MAMDC2: variants seen among roughly 807,000 people sequenced by gnomAD.
The protein encoded by MAMDC2 is MAM domain-containing protein 2.
A neutral mutation model predicts 89.8 loss-of-function variants in MAMDC2; 57 were observed. The ratio of observed to expected loss-of-function variants is 0.63; its 90% CI spans 0.51 to 0.79. The LOEUF (loss-of-function observed/expected upper bound fraction) is 0.79, where lower values mean the gene tolerates loss of function less well. Ranked by LOEUF, MAMDC2 falls within the 30% of genes least tolerant of loss-of-function variation. The pLI is 0.00. For synonymous variants in MAMDC2, 313 were observed against 293.4 expected, an observed-to-expected ratio of 1.07 and a Z score of -0.68; for missense variants, 800 against 820.6, an observed-to-expected ratio of 0.97 and a Z score of 0.31.
At chr9:70,044,483 G>C (rs1826688953) in intron 1 of MAMDC2, 101 bp from the exon 2 acceptor site, 5 of 1,001,034 alleles carry the variant, frequency 5.0e-6, no homozygotes, top group Non-Finnish European at 7.5e-6. Context: ...CCTCCCGCTC[G>C]TCTTTCCCCC....
Position 70,044,125 on chromosome 9 carries a change from T to A in MAMDC2, c.-73T>A. On this transcript the variant is annotated 5_prime_UTR_variant, in exon 1 of 14. Transcript: ENST00000377182. ...GCGCCCCCGCCTCCCACGATCCCTT[T>A]CACTAGGAGCAGCCAGTCCCAGCGG... The A allele has an allele frequency of 3.8e-6, 6 of 1,582,142 alleles. No homozygotes were observed. In the South Asian group the frequency reaches 6.6e-5, roughly 18 times the overall value.
chr9:70,177,203 C>G lies in MAMDC2; in HGVS notation c.1651+6572C>G, dbSNP rs115273918. Among the ~76,000 whole-genome samples the G allele has an allele frequency of 5.7e-3, 863 of 152,244 alleles. 10 individuals carry two copies. Among genetic ancestry groups the G allele is most frequent in the African/African-American group, 0.02 (834 of 41,552 alleles). On this transcript the variant is annotated intron_variant, in intron 11 of 13. Transcript: ENST00000377182. ...TGCCATATCTAAACTGTCAGCATCACTACTCTTGCACTTTGGGGCCATAAT... is the reference window on the plus strand; with the variant it reads ...TGCCATATCTAAACTGTCAGCATCAGTACTCTTGCACTTTGGGGCCATAAT...
chr9:70,221,408 G>GAGAGAGAGAGAGAGAGA (rs2033563067), intron 12 of MAMDC2, among the ~76,000 whole-genome samples: 2 of 110,890 alleles, frequency 1.8e-5, no homozygotes, highest in Non-Finnish European at 3.8e-5. Context: ...GAGAGAGAGA[G>GAGAGAGAGAGAGAGAGA]TAACATCAGA....
In MAMDC2 at chr9:70,080,236, C is replaced by A. The variant is rs75029173; in HGVS notation, c.149-27975C>A. Among the ~76,000 whole-genome samples, 654 of 152,316 alleles carry A rather than the reference C, an allele frequency of 4.3e-3. 37 individuals carry two copies. The East Asian group carries it at 0.11, about 25-fold the overall frequency. On this transcript the variant is annotated intron_variant, in intron 2 of 13. Transcript: ENST00000377182. ...TATTATCAAAGCAGCGTGCTGCATG[C>A]ATCTTTCCACAATCACTCTATGTAT...
intron 11 of MAMDC2, among the ~76,000 whole-genome samples, chr9:70,192,368 CTCTT>C (rs1470817872): frequency 6.6e-6 from 1 of 151,962 alleles, no homozygotes; most frequent in African/African-American, 2.4e-5. Context: ...TCAAAATATA[CTCTT>C]TCTTCTGCAC....
At chr9:70,098,317 G>A (rs1828078944) in intron 2 of MAMDC2, among the ~76,000 whole-genome samples, 1 of 152,158 alleles carries the variant, frequency 6.6e-6, no homozygotes, top group South Asian at 2.1e-4. Flanking sequence ...AGCATCCTCT[G>A]AGCCCAAGCC....
intron 7 of MAMDC2, among the ~76,000 whole-genome samples, chr9:70,135,953 C>CA (rs759728268): frequency 1.3e-5 from 2 of 152,112 alleles, no homozygotes; most frequent in Non-Finnish European, 2.9e-5. Context: ...GAGTTGTAGA[C>CA]CAGCCTGGGC....
intron 11 of MAMDC2, among the ~76,000 whole-genome samples, chr9:70,209,399 T>G (rs1378910642): frequency 6.6e-6 from 1 of 152,198 alleles, no homozygotes; most frequent in African/African-American, 2.4e-5. Flanking sequence ...TTCTTCTAGA[T>G]TTTCTAGTTT....
At chr9:70,192,946 A>G (rs1236257852) in intron 11 of MAMDC2, among the ~76,000 whole-genome samples, 1 of 152,130 alleles carries the variant, frequency 6.6e-6, no homozygotes, top group African/African-American at 2.4e-5. Context: ...GAGGACAGGC[A>G]TGGTGATTAG....
chr9:70,088,719 T>C (rs960223007), intron 2 of MAMDC2: 12 of 151,148 alleles, frequency 7.9e-5, no homozygotes, highest in African/African-American at 2.7e-4. Flanking sequence ...TGAAACCAAC[T>C]AAAATAAATG....
chr9:70,046,185 T>C (rs3015232), intron 2 of MAMDC2, among the ~76,000 whole-genome samples: 58,335 of 152,052 alleles, frequency 0.38, 12,258 homozygotes, highest in African/African-American at 0.56. Context: ...GGGCCCCACT[T>C]CCTGAGTGTC....
At chr9:70,200,058 A>G (rs1000253440) in intron 11 of MAMDC2, among the ~76,000 whole-genome samples, 112 of 150,662 alleles carry the variant, frequency 7.4e-4, no homozygotes, top group African/African-American at 2.6e-3. Context: ...TAGTTTAATT[A>G]GATCCCATTT....
intron 6 of MAMDC2, 78 bp from the exon 7 acceptor site, chr9:70,131,441 T>C (rs539852373): frequency 6.3e-6 from 6 of 945,716 alleles, no homozygotes; most frequent in East Asian, 2.6e-5. Context: ...GATTGACATG[T>C]CATTTTAAAT....
chr9:70,219,676 A>G (rs2033521641), intron 12 of MAMDC2, among the ~76,000 whole-genome samples: 1 of 152,260 alleles, frequency 6.6e-6, no homozygotes, highest in South Asian at 2.1e-4. Context: ...TATCTGGGAA[A>G]GGCCCATTAT....
chr9:70,048,646 A>AT (rs1826816288), intron 2 of MAMDC2, among the ~76,000 whole-genome samples: 1 of 152,146 alleles, frequency 6.6e-6, no homozygotes, highest in Admixed American at 6.5e-5. Flanking sequence ...CATTTATCCT[A>AT]TAAAAAAAAT....
chr9:70,084,896 C>T (rs1037754389), intron 2 of MAMDC2, among the ~76,000 whole-genome samples: 3 of 151,928 alleles, frequency 2.0e-5, no homozygotes, highest in African/African-American at 7.3e-5. Flanking sequence ...AATGTCAAAC[C>T]CAGGGATTTT....
chr9:70,178,069 G>C (rs1272643265), intron 11 of MAMDC2, among the ~76,000 whole-genome samples: 1 of 152,168 alleles, frequency 6.6e-6, no homozygotes, highest in African/African-American at 2.4e-5. Flanking sequence ...ACAAAAGAGT[G>C]GTTTTCCTTT....
At chr9:70,056,822 A>G (rs993493586) in intron 2 of MAMDC2, among the ~76,000 whole-genome samples, 1 of 152,146 alleles carries the variant, frequency 6.6e-6, no homozygotes, top group East Asian at 1.9e-4. Flanking sequence ...ACCTCCTACC[A>G]GATCAGCAGC....
At chr9:70,156,430 C>A (rs1207927440) in intron 9 of MAMDC2, among the ~76,000 whole-genome samples, 2 of 151,608 alleles carry the variant, frequency 1.3e-5, no homozygotes, top group East Asian at 1.9e-4. Flanking sequence ...ATTAAGGAAG[C>A]AGAAAACCAA....
Sources: gnomAD v4.1 joint callset for allele counts (sites outside exome capture counted in the v4.1 genomes callset) on GRCh38, gnomAD v4.1.1 for gene constraint, MANE v1.5 for transcripts, NCBI Gene and HGNC (gene_info 2026-07-23, HGNC 2026-07-21) for gene names.